SEMA5A: variants seen among roughly 807,000 people sequenced by gnomAD.
The protein encoded by SEMA5A is semaphorin 5A.
In SEMA5A, 55 loss-of-function variants were observed where a neutral mutation model predicts 135.5. The ratio of observed to expected loss-of-function variants is 0.41; its 90% CI spans 0.33 to 0.51. SEMA5A has a LOEUF of 0.51. SEMA5A is among the 20% of genes least tolerant of loss of function. SEMA5A has a pLI of 0.37. For missense variants in SEMA5A, 1,290 were observed against 1,419.9 expected (o/e 0.91, Z 1.47); for synonymous variants, 580 against 546.5 (o/e 1.06, Z -0.85).
chr5:9,177,865 A>G (rs1439971001), intron 11 of SEMA5A, among the ~76,000 whole-genome samples: 1 of 152,266 alleles, frequency 6.6e-6, no homozygotes, highest in Non-Finnish European at 1.5e-5. Context: ...ACCATCCAAC[A>G]GATGAAATGG....
At chr5:9,506,003 T>C (rs1735862170) in intron 1 of SEMA5A, among the ~76,000 whole-genome samples, 1 of 152,200 alleles carries the variant, frequency 6.6e-6, no homozygotes, top group Non-Finnish European at 1.5e-5. Flanking sequence ...ACTGGACTAC[T>C]GGTGGTCCTC....
chr5:9,236,196 A>G (rs561446832), intron 6 of SEMA5A, among the ~76,000 whole-genome samples: 1 of 152,304 alleles, frequency 6.6e-6, no homozygotes, highest in Non-Finnish European at 1.5e-5. Flanking sequence ...AAACCATATC[A>G]GGCATCACAC....
intron 5 of SEMA5A, among the ~76,000 whole-genome samples, chr5:9,274,691 A>G (rs1036958297): frequency 4.0e-4 from 61 of 152,162 alleles, no homozygotes; most frequent in African/African-American, 1.4e-3. Flanking sequence ...TCAAAACCAC[A>G]CAACTACATG....
intron 21 of SEMA5A, 130 bp downstream of exon 21, chr5:9,050,279 TG>T (rs1736493179): frequency 5.2e-6 from 4 of 765,096 alleles, no homozygotes; most frequent in Non-Finnish European, 8.3e-6. Flanking sequence ...GTAGAATGCC[TG>T]GGATCCATGA....
intron 16 of SEMA5A, among the ~76,000 whole-genome samples, chr5:9,091,211 C>G (rs1435232036): frequency 1.3e-5 from 2 of 152,214 alleles, no homozygotes; most frequent in Non-Finnish European, 2.9e-5. Flanking sequence ...CTTAGAAAAA[C>G]TTACAATGTC....
chr5:9,157,128 G>A (rs1435493916), intron 11 of SEMA5A, among the ~76,000 whole-genome samples: 1 of 152,138 alleles, frequency 6.6e-6, no homozygotes, highest in South Asian at 2.1e-4. Context: ...GTCATGTGAC[G>A]AGTCCCCTCC....
Position 9,183,652 on chromosome 5 carries a change from T to C in SEMA5A, c.1273+6615A>G, listed in dbSNP as rs1003596930. 2.6e-5 allele frequency among the ~76,000 whole-genome samples: 4 copies of C among 152,208 alleles called. No individual in the cohort carries two copies. In the South Asian group the frequency reaches 6.2e-4, roughly 24 times the overall value. ...CTGACCAATGAGCGGTCCTTCTCTG[T>C]TGTCTGAGCTCATTATGCTCCATTG... On this transcript the variant is annotated intron_variant, in intron 11 of 22. Coordinates refer to ENST00000382496, the MANE Select transcript of SEMA5A (RefSeq NM_003966.3).
intron 1 of SEMA5A, among the ~76,000 whole-genome samples, chr5:9,473,224 G>A (rs942886704): frequency 1.4e-5 from 2 of 147,252 alleles, no homozygotes; most frequent in Non-Finnish European, 3.0e-5. Context: ...AAAAAAGAAT[G>A]ATAAAAGTCA....
At chr5:9,127,384 G>T (rs781087010) in intron 13 of SEMA5A, among the ~76,000 whole-genome samples, 7 of 152,164 alleles carry the variant, frequency 4.6e-5, no homozygotes, top group Non-Finnish European at 1.0e-4. Flanking sequence ...GTAAGAGCAT[G>T]TACTTAGCGC....
intron 11 of SEMA5A, among the ~76,000 whole-genome samples, chr5:9,176,211 C>T (rs1220435394): frequency 6.6e-6 from 1 of 152,162 alleles, no homozygotes; most frequent in African/African-American, 2.4e-5. Context: ...GAGAGGCTCT[C>T]CTTGCTGGTT....
At chr5:9,459,426 T>C (rs1469224368) in intron 1 of SEMA5A, among the ~76,000 whole-genome samples, 4 of 152,184 alleles carry the variant, frequency 2.6e-5, no homozygotes, top group African/African-American at 7.2e-5. Flanking sequence ...GCTGGAGAAA[T>C]CCATACGACA....
At chr5:9,326,409 C>A (rs1306005044) in intron 4 of SEMA5A, among the ~76,000 whole-genome samples, 1 of 152,104 alleles carries the variant, frequency 6.6e-6, no homozygotes, top group Non-Finnish European at 1.5e-5. Context: ...CGCCACCATG[C>A]CCAGCTAATT....
chr5:9,291,826 G>C (rs1046386538), intron 5 of SEMA5A, among the ~76,000 whole-genome samples: 9 of 147,966 alleles, frequency 6.1e-5, no homozygotes, highest in Non-Finnish European at 1.3e-4. Flanking sequence ...ACAAAATTGT[G>C]AGCAAAATAA....
At chr5:9,101,658 T>C (rs1739638746) in intron 16 of SEMA5A, among the ~76,000 whole-genome samples, 1 of 152,210 alleles carries the variant, frequency 6.6e-6, no homozygotes, top group African/African-American at 2.4e-5. Context: ...ATAAACTTAG[T>C]TGTATCTAAT....
chr5:9,539,009 TAATGA>T (rs1438042463), intron 1 of SEMA5A, among the ~76,000 whole-genome samples: 1 of 152,262 alleles, frequency 6.6e-6, no homozygotes, highest in Non-Finnish European at 1.5e-5. Flanking sequence ...GTGTACAATT[TAATGA>T]TTTTTAGTAC....
intron 14 of SEMA5A, among the ~76,000 whole-genome samples, chr5:9,120,443 A>T: frequency 6.6e-6 from 1 of 152,118 alleles, no homozygotes. Context: ...CTAATGATTT[A>T]ATAAAATATG....
intron 5 of SEMA5A, among the ~76,000 whole-genome samples, chr5:9,254,989 A>G (rs890695744): frequency 3.3e-5 from 5 of 152,196 alleles, no homozygotes; most frequent in African/African-American, 1.2e-4. Context: ...TTTAGGGACC[A>G]TCAATGAGAA....
At chr5:9,235,479 A>G (rs1478872133) in intron 6 of SEMA5A, among the ~76,000 whole-genome samples, 1 of 152,184 alleles carries the variant, frequency 6.6e-6, no homozygotes, top group African/African-American at 2.4e-5. Flanking sequence ...CCCTAAATTA[A>G]AGTTCACTAC....
At chr5:9,478,185 T>A (rs1759742744) in intron 1 of SEMA5A, among the ~76,000 whole-genome samples, 1 of 152,206 alleles carries the variant, frequency 6.6e-6, no homozygotes, top group Admixed American at 6.5e-5. Context: ...TTTGAGAACC[T>A]CCGCATGTAT....
Sources: gnomAD v4.1 joint callset for allele counts (sites outside exome capture counted in the v4.1 genomes callset) on GRCh38, gnomAD v4.1.1 for gene constraint, MANE v1.5 for transcripts, NCBI Gene and HGNC (gene_info 2026-07-23, HGNC 2026-07-21) for gene names.